CTNND2: variants seen among roughly 807,000 people sequenced by gnomAD.
The protein encoded by CTNND2 is catenin delta-2.
Under a neutral mutation model 144.4 loss-of-function variants are expected in CTNND2, and 22 were observed. That is an observed-to-expected ratio of 0.15 (90% CI 0.11 to 0.22). The LOEUF is 0.22. CTNND2 is among the 10% of genes least tolerant of loss of function. The probability of loss-of-function intolerance (pLI) is 1.00; values close to 1 mark genes in which losing one functional copy is unlikely to be tolerated. For missense variants in CTNND2, 1,353 were observed against 1,618.8 expected, an observed-to-expected ratio of 0.84 and a Z score of 2.82; for synonymous variants, 751 against 695.6, an observed-to-expected ratio of 1.08 and a Z score of -1.25.
chr5:11,182,090 G>GGTGTGTGTGGATGGA (rs1735108833), intron 11 of CTNND2, among the ~76,000 whole-genome samples: 4 of 138,974 alleles, frequency 2.9e-5, no homozygotes, highest in Non-Finnish European at 4.7e-5. Flanking sequence ...GTATGTGTGG[G>GGTGTGTGTGGATGGA]GTGTGTGTGG....
chr5:11,602,790 A>C (rs1476731500), intron 2 of CTNND2, among the ~76,000 whole-genome samples: 1 of 146,238 alleles, frequency 6.8e-6, no homozygotes, highest in East Asian at 2.0e-4. Context: ...ATAGATATAA[A>C]TATAATATAT....
At chr5:11,534,076 T>G (rs897092470) in intron 3 of CTNND2, among the ~76,000 whole-genome samples, 4 of 152,246 alleles carry the variant, frequency 2.6e-5, no homozygotes, top group South Asian at 2.1e-4. Flanking sequence ...CATCCTTTTA[T>G]TCTTAAATGG....
chr5:11,717,913 T>C (rs1446435030), intron 2 of CTNND2, among the ~76,000 whole-genome samples: 2 of 152,272 alleles, frequency 1.3e-5, no homozygotes, highest in Non-Finnish European at 2.9e-5. Flanking sequence ...AGCCAAACCA[T>C]ATCACTCACC....
At chr5:11,817,405 AGGAGG>A (rs1323471249) in intron 1 of CTNND2, among the ~76,000 whole-genome samples, 1 of 23,498 alleles carries the variant, frequency 4.3e-5, no homozygotes, top group African/African-American at 2.1e-4. Flanking sequence ...AGAGAGAGAG[AGGAGG>A]GAGAGAGAGA....
intron 2 of CTNND2, among the ~76,000 whole-genome samples, chr5:11,681,159 A>G (rs1384064564): frequency 2.0e-5 from 3 of 152,214 alleles, no homozygotes; most frequent in African/African-American, 7.2e-5. Flanking sequence ...ACTGGCTAAG[A>G]AAACAGAAGA....
At chr5:11,544,015 T>C (rs2150073460) in intron 3 of CTNND2, among the ~76,000 whole-genome samples, 1 of 152,266 alleles carries the variant, frequency 6.6e-6, no homozygotes, top group African/African-American at 2.4e-5. Context: ...AGGCTGTCAT[T>C]AAAAACAATA....
At chr5:11,839,101 T>C (rs976568326) in intron 1 of CTNND2, among the ~76,000 whole-genome samples, 3 of 152,136 alleles carry the variant, frequency 2.0e-5, no homozygotes, top group African/African-American at 7.2e-5. Flanking sequence ...GGCGTCTAGC[T>C]CTCTCCTTAA....
At chr5:11,487,679 AATAAG>A (rs1400371796) in intron 3 of CTNND2, among the ~76,000 whole-genome samples, 31 of 152,330 alleles carry the variant, frequency 2.0e-4, no homozygotes, top group African/African-American at 7.0e-4. Context: ...TTATATTAAA[AATAAG>A]ATAATATTTT....
At chr5:11,644,474 A>G (rs1012893884) in intron 2 of CTNND2, among the ~76,000 whole-genome samples, 1 of 152,104 alleles carries the variant, frequency 6.6e-6, no homozygotes, top group African/African-American at 2.4e-5. Flanking sequence ...GGAGATCAAG[A>G]CCATCCTGGT....
intron 16 of CTNND2, among the ~76,000 whole-genome samples, chr5:11,030,222 T>G (rs1380077965): frequency 6.6e-6 from 1 of 152,202 alleles, no homozygotes; most frequent in East Asian, 1.9e-4. Context: ...TCAGTCTAGG[T>G]ATCTTTGAGC....
At chr5:11,365,288 G>A (rs1756871818) in intron 7 of CTNND2, among the ~76,000 whole-genome samples, 1 of 152,202 alleles carries the variant, frequency 6.6e-6, no homozygotes, top group Admixed American at 6.5e-5. Context: ...TATTTTAAAT[G>A]GCGAGCCACA....
intron 9 of CTNND2, among the ~76,000 whole-genome samples, chr5:11,250,456 G>GCTCT (rs71595810): frequency 0.018 from 1,342 of 73,100 alleles, 31 homozygotes; most frequent in East Asian, 0.05. Context: ...TTTAAAGGGT[G>GCTCT]CTCTCTCTCT....
At chr5:11,718,376 A>C (rs1451014995) in intron 2 of CTNND2, among the ~76,000 whole-genome samples, 1 of 152,204 alleles carries the variant, frequency 6.6e-6, no homozygotes, top group Non-Finnish European at 1.5e-5. Flanking sequence ...TCTACTGGTC[A>C]TCTGTGGCTC....
intron 13 of CTNND2, among the ~76,000 whole-genome samples, chr5:11,112,095 T>A (rs1003148310): frequency 6.6e-6 from 1 of 152,154 alleles, no homozygotes; most frequent in African/African-American, 2.4e-5. Flanking sequence ...GTGATCCACT[T>A]GCTTAGGCCT....
chr5:11,214,403 T>C (rs1738957832), intron 10 of CTNND2, among the ~76,000 whole-genome samples: 1 of 152,234 alleles, frequency 6.6e-6, no homozygotes. Flanking sequence ...AGATGAGTTA[T>C]TTGTTTATTG....
intron 2 of CTNND2, among the ~76,000 whole-genome samples, chr5:11,585,843 G>C (rs1216183518): frequency 6.6e-6 from 1 of 152,118 alleles, no homozygotes; most frequent in Non-Finnish European, 1.5e-5. Context: ...TGGGCTGGGG[G>C]GTGAGGAGAA....
intron 2 of CTNND2, among the ~76,000 whole-genome samples, chr5:11,643,198 C>A (rs1228847913): frequency 6.6e-6 from 1 of 151,496 alleles, no homozygotes; most frequent in Non-Finnish European, 1.5e-5. Flanking sequence ...CGTTTTAGTT[C>A]ATACATTTAA....
intron 2 of CTNND2, among the ~76,000 whole-genome samples, chr5:11,569,421 T>G (rs2150113440): frequency 6.6e-6 from 1 of 152,190 alleles, no homozygotes; most frequent in East Asian, 1.9e-4. Flanking sequence ...AACCATATAA[T>G]ACATTAGGAT....
At chr5:11,813,319 G>A (rs367878814) in intron 1 of CTNND2, among the ~76,000 whole-genome samples, 1 of 152,248 alleles carries the variant, frequency 6.6e-6, no homozygotes, top group Non-Finnish European at 1.5e-5. Context: ...TTCTCAGAAC[G>A]TATCCCAGTC....
Sources: gnomAD v4.1 joint callset for allele counts (sites outside exome capture counted in the v4.1 genomes callset) on GRCh38, gnomAD v4.1.1 for gene constraint, MANE v1.5 for transcripts, NCBI Gene and HGNC (gene_info 2026-07-23, HGNC 2026-07-21) for gene names.